Variants in PLCG2 observed in about 807,000 individuals in gnomAD.
PLCG2 encodes phospholipase C gamma 2.
A neutral mutation model predicts 175.6 loss-of-function variants in PLCG2; 69 were observed. The observed-to-expected ratio is 0.39, with a 90% CI of 0.32 to 0.48. PLCG2 has a LOEUF of 0.48. PLCG2 is among the 20% of genes least tolerant of loss of function. The pLI is 0.91. For missense variants in PLCG2, 1,798 were observed against 1,650.9 expected, an observed-to-expected ratio of 1.09 and a Z score of -1.54; for synonymous variants, 827 against 624.0, an observed-to-expected ratio of 1.33 and a Z score of -4.85.
intron 27 of PLCG2, among the ~76,000 whole-genome samples, chr16:81,936,729 C>A (rs1357338051): frequency 3.9e-5 from 6 of 152,238 alleles, no homozygotes; most frequent in African/African-American, 1.4e-4. Flanking sequence ...CTCAGACTTT[C>A]TTCCAGAGAC....
chr16:81,846,968 C>T (rs1489273085), intron 2 of PLCG2, among the ~76,000 whole-genome samples: 2 of 152,310 alleles, frequency 1.3e-5, no homozygotes. Context: ...CAGTTCAATT[C>T]TGATACTATC....
chr16:81,824,503 C>T (rs1263741416), intron 2 of PLCG2, among the ~76,000 whole-genome samples: 2 of 152,204 alleles, frequency 1.3e-5, no homozygotes, highest in Non-Finnish European at 2.9e-5. Context: ...AAAGCACCTC[C>T]AGCTTTTGTG....
intron 2 of PLCG2, among the ~76,000 whole-genome samples, chr16:81,812,043 C>CTTTTTTTT (rs539108021): frequency 2.5e-4 from 23 of 90,332 alleles, no homozygotes; most frequent in Non-Finnish European, 3.4e-4. Context: ...TGTTTCCTGA[C>CTTTTTTTT]TTTTTTTTTT....
intron 13 of PLCG2, chr16:81,897,840 C>T (rs1214425876): frequency 2.2e-6 from 1 of 455,774 alleles, no homozygotes; most frequent in African/African-American, 2.0e-5. Context: ...CCACCGTGCC[C>T]AACCCGATTG....
chr16:81,864,023 C>T (rs1463567011), intron 5 of PLCG2, among the ~76,000 whole-genome samples: 1 of 152,182 alleles, frequency 6.6e-6, no homozygotes, highest in Non-Finnish European at 1.5e-5. Context: ...TGGGCATGGC[C>T]TCTGGCGTTG....
chr16:81,947,208 G>A (rs974748385), intron 31 of PLCG2, among the ~76,000 whole-genome samples: 5 of 152,164 alleles, frequency 3.3e-5, no homozygotes, highest in Non-Finnish European at 5.9e-5. Context: ...TTGTGTTGAT[G>A]CAGATTTGAC....
intron 19 of PLCG2, among the ~76,000 whole-genome samples, chr16:81,912,970 C>T (rs1252608910): frequency 6.6e-6 from 1 of 152,260 alleles, no homozygotes; most frequent in African/African-American, 2.4e-5. Context: ...GTGGGGTTGA[C>T]ATGACCATGA....
At chr16:81,921,296 T>A in intron 21 of PLCG2, 27 bp downstream of exon 21, 2 of 1,491,318 alleles carry the variant, frequency 1.3e-6, no homozygotes, top group Non-Finnish European at 1.9e-6. Context: ...CCAATTCACA[T>A]GATTTTGGAG....
intron 2 of PLCG2, among the ~76,000 whole-genome samples, chr16:81,757,608 A>T (rs533251149): frequency 4.4e-4 from 67 of 152,278 alleles, no homozygotes; most frequent in South Asian, 2.3e-3. Context: ...CTGTTGTTTC[A>T]CATTTTCCTC....
At chr16:81,776,083 C>CTTTCTTTCTTTCTGTCTTTCTTTCTT, upstream of PLCG2, among the ~76,000 whole-genome samples, 20 of 81,946 alleles carry the variant, frequency 2.4e-4, no homozygotes, top group South Asian at 1.4e-3. Context: ...TTCTCTCTCT[C>CTTTCTTTCTTTCTGTCTTTCTTTCTT]TCTCTCTTTC....
chr16:81,899,522 A>T (rs1909051085), intron 13 of PLCG2, among the ~76,000 whole-genome samples: 1 of 152,192 alleles, frequency 6.6e-6, no homozygotes, highest in South Asian at 2.1e-4. Context: ...GACTCATGCG[A>T]TGCACACGTG....
intron 2 of PLCG2, among the ~76,000 whole-genome samples, chr16:81,851,041 G>T (rs1906381125): frequency 6.6e-6 from 1 of 152,202 alleles, no homozygotes; most frequent in African/African-American, 2.4e-5. Context: ...GAAGTCCTCA[G>T]TGGGGTGTGA....
intron 5 of PLCG2, among the ~76,000 whole-genome samples, chr16:81,867,726 C>G (rs1907312769): frequency 6.6e-6 from 1 of 151,562 alleles, no homozygotes; most frequent in African/African-American, 2.4e-5. Flanking sequence ...GAGATGGAGT[C>G]TTGCTCTGTC....
intron 14 of PLCG2, among the ~76,000 whole-genome samples, chr16:81,901,665 C>T (rs1265692493): frequency 2.6e-5 from 4 of 152,220 alleles, no homozygotes; most frequent in African/African-American, 9.7e-5. Flanking sequence ...TGGCAGCAAG[C>T]CACTTGCGGG....
intron 9 of PLCG2, among the ~76,000 whole-genome samples, chr16:81,884,921 C>T (rs1338211988): frequency 6.6e-6 from 1 of 152,004 alleles, no homozygotes; most frequent in Non-Finnish European, 1.5e-5. Flanking sequence ...TCTCACTCAC[C>T]CCCTTGCCCA....
intron 1 of PLCG2, chr16:81,755,825 C>T (rs1489407873): frequency 1.7e-4 from 26 of 152,398 alleles, no homozygotes; most frequent in African/African-American, 6.3e-4. Context: ...TGCACCCAGC[C>T]TCAGCCTGTT....
rs529898581 is a variant in PLCG2, at chr16:81,893,069, C to T, written c.987-640C>T. Among the ~76,000 whole-genome samples the T allele has an allele frequency of 6.6e-5, 10 of 152,196 alleles. No homozygotes were observed. The South Asian group carries it at 2.1e-3, about 32-fold the overall frequency. On this transcript the variant is annotated intron_variant, in intron 11 of 32. Transcript: ENST00000564138. ...AGAGACAGAATTTCACTATGTTGGCCAGGCTGGTCTTGAACACCTGACCTC... is the reference window on the plus strand; with the variant it reads ...AGAGACAGAATTTCACTATGTTGGCTAGGCTGGTCTTGAACACCTGACCTC...
At chr16:81,788,657 T>A (rs924576511) in intron 2 of PLCG2, among the ~76,000 whole-genome samples, 1 of 152,188 alleles carries the variant, frequency 6.6e-6, no homozygotes, top group Non-Finnish European at 1.5e-5. Flanking sequence ...AGGTAGACTT[T>A]GGTAGCTTGG....
intron 5 of PLCG2, among the ~76,000 whole-genome samples, chr16:81,865,757 C>T (rs947575751): frequency 2.7e-5 from 4 of 148,570 alleles, no homozygotes; most frequent in Non-Finnish European, 4.5e-5. Context: ...GGGGCAGCAG[C>T]GTGAGAGGAC....
Sources: gnomAD v4.1 joint callset for allele counts (sites outside exome capture counted in the v4.1 genomes callset) on GRCh38, gnomAD v4.1.1 for gene constraint, MANE v1.5 for transcripts, NCBI Gene and HGNC (gene_info 2026-07-23, HGNC 2026-07-21) for gene names.